Variants in FERMT2 observed in about 807,000 individuals in gnomAD.
The protein encoded by FERMT2 is fermitin family homolog 2.
In FERMT2, 15 loss-of-function variants were observed where a neutral mutation model predicts 82.7. The observed-to-expected ratio is 0.18, with a 90% CI of 0.12 to 0.28. The LOEUF is 0.28. Ranked by LOEUF, FERMT2 falls within the 10% of genes least tolerant of loss-of-function variation. FERMT2 has a pLI of 1.00. For missense variants in FERMT2, 645 were observed against 809.4 expected, an observed-to-expected ratio of 0.80 and a Z score of 2.46; for synonymous variants, 274 against 271.5, an observed-to-expected ratio of 1.01 and a Z score of -0.09.
chr14:52,934,939 T>G (rs572801537), intron 2 of FERMT2, among the ~76,000 whole-genome samples: 9 of 152,250 alleles, frequency 5.9e-5, no homozygotes, highest in Non-Finnish European at 1.2e-4. Flanking sequence ...GACTTTGAAA[T>G]AAGTGACATG....
At chr14:52,859,801 AC>A in intron 13 of FERMT2, 87 bp from the exon 14 acceptor site, 2 of 717,500 alleles carry the variant, frequency 2.8e-6, no homozygotes, top group Non-Finnish European at 4.3e-6. Flanking sequence ...GTTCTCTCTA[AC>A]CCTAAAAGAG....
rs535066253 is a variant in FERMT2, at chr14:52,858,319, C to T, written c.*58G>A. The T allele has an allele frequency of 1.2e-5, 17 of 1,456,072 alleles. No individual in the cohort carries two copies. The African/African-American group carries it at 2.4e-4, about 20-fold the overall frequency. 90.2% of individuals were successfully genotyped at this position (1,456,072 alleles called of 1,614,324 possible). A position where few individuals can be genotyped will look rare whatever the true frequency, so the allele number is the denominator to read the frequency against. ...ACTTTATTAAGCAGCATATAACAAACAGCTTTTAAAGTTAAATATTGTTAT... is the reference window on the plus strand; with the variant it reads ...ACTTTATTAAGCAGCATATAACAAATAGCTTTTAAAGTTAAATATTGTTAT... On this transcript the variant is annotated 3_prime_UTR_variant, in exon 15 of 15. Transcript: ENST00000341590.
At chr14:52,933,936 CCCCTTTATCAAA>C (rs899510475) in intron 2 of FERMT2, among the ~76,000 whole-genome samples, 1 of 151,948 alleles carries the variant, frequency 6.6e-6, no homozygotes, top group Non-Finnish European at 1.5e-5. Flanking sequence ...TTTTCCTTTC[CCCCTTTATCAAA>C]CTGGCAAAAT....
intron 3 of FERMT2, 127 bp from the exon 4 acceptor site, chr14:52,893,554 G>A: frequency 3.0e-6 from 2 of 673,194 alleles, no homozygotes; most frequent in Non-Finnish European, 4.9e-6. Context: ...GTCAGACATT[G>A]ATGTCATGCA....
chr14:52,895,152 A>G (rs1887186822), intron 3 of FERMT2, among the ~76,000 whole-genome samples: 1 of 152,218 alleles, frequency 6.6e-6, no homozygotes, highest in Non-Finnish European at 1.5e-5. Context: ...AATTAAAACC[A>G]CAATGAGATA....
rs574096456 is a variant in FERMT2, at chr14:52,920,619, C to T, written c.158-1263G>A. On this transcript the variant is annotated intron_variant, in intron 2 of 14. Coordinates refer to ENST00000341590, the MANE Select transcript of FERMT2 (RefSeq NM_006832.3). ...CTACATTCCAGCCTGGGCAAGGGAG[C>T]GAGACTCTGTCTCAAGGAAAACAAC... Among the ~76,000 whole-genome samples the T allele has an allele frequency of 1.3e-4, 19 of 151,886 alleles. No individual in the cohort carries two copies. The East Asian group carries it at 2.7e-3, about 22-fold the overall frequency.
At chr14:52,919,037 C>A in intron 3 of FERMT2, 86 bp downstream of exon 3, 1 of 889,548 alleles carries the variant, frequency 1.1e-6, no homozygotes. Context: ...AGCCCATGCC[C>A]CATCCCTTGG....
chr14:52,925,586 A>G (rs1351817786), intron 2 of FERMT2, among the ~76,000 whole-genome samples: 2 of 151,178 alleles, frequency 1.3e-5, no homozygotes, highest in African/African-American at 2.4e-5. Context: ...AAAGCACTTA[A>G]CTGCACAAAT....
At chr14:52,861,433 T>TA (rs1395131746) in intron 12 of FERMT2, 1 of 168,762 alleles carries the variant, frequency 5.9e-6, no homozygotes, top group Non-Finnish European at 1.2e-5. Flanking sequence ...AGTAGCAAAA[T>TA]AAAAGTATCC....
chr14:52,946,310 A>T (rs1228802401), intron 2 of FERMT2, among the ~76,000 whole-genome samples: 3 of 152,106 alleles, frequency 2.0e-5, no homozygotes, highest in African/African-American at 4.8e-5. Context: ...TTTCATATTT[A>T]AAATTTTTCT....
intron 12 of FERMT2, chr14:52,863,056 A>T (rs1007989836): frequency 4.0e-5 from 3 of 75,486 alleles, no homozygotes; most frequent in African/African-American, 1.0e-4. Context: ...AAATAATTTT[A>T]AAAAACTACG....
intron 4 of FERMT2, among the ~76,000 whole-genome samples, chr14:52,888,830 A>G (rs1312768507): frequency 6.6e-6 from 1 of 152,210 alleles, no homozygotes; most frequent in East Asian, 1.9e-4. Context: ...AGTACAGTAT[A>G]AGGATTTGTT....
intron 2 of FERMT2, among the ~76,000 whole-genome samples, chr14:52,947,850 T>C (rs1890434161): frequency 6.6e-6 from 1 of 152,190 alleles, no homozygotes; most frequent in African/African-American, 2.4e-5. Context: ...TAATACAATG[T>C]TGAGGGAATA....
At chr14:52,906,738 T>C (rs1345393614) in intron 3 of FERMT2, among the ~76,000 whole-genome samples, 1 of 151,976 alleles carries the variant, frequency 6.6e-6, no homozygotes, top group Non-Finnish European at 1.5e-5. Context: ...CTGGATGGGA[T>C]TAACAGCAAA....
chr14:52,870,345 G>C (rs551555150), intron 10 of FERMT2, among the ~76,000 whole-genome samples: 1 of 151,858 alleles, frequency 6.6e-6, no homozygotes. Flanking sequence ...CACCTCCCAG[G>C]TTCAAGCAAT....
At position 52,870,268 on chromosome 14, in the gene FERMT2, A is replaced by T. The variant is rs779044872; in HGVS notation, c.1273+2531T>A. Reference sequence around the variant, plus strand: ...GTGTACTTTTTTTTTTTTTTTTTGGAGACGGAGTTTCGTTCTTGTTGCCCA... The same window carrying T: ...GTGTACTTTTTTTTTTTTTTTTTGGTGACGGAGTTTCGTTCTTGTTGCCCA... On this transcript the variant is annotated intron_variant, in intron 10 of 14. Coordinates refer to ENST00000341590, the MANE Select transcript of FERMT2 (RefSeq NM_006832.3). Among the ~76,000 whole-genome samples, 336 of 132,028 alleles carry T rather than the reference A, an allele frequency of 2.5e-3. 3 individuals are homozygous for T. In the Middle Eastern group the frequency reaches 0.034, roughly 13 times the overall value. The allele number at this position is 132,028 out of a possible 152,430, so 86.6% of individuals were successfully genotyped here.
chr14:52,923,463 A>G (rs1455930616), intron 2 of FERMT2, among the ~76,000 whole-genome samples: 1 of 152,212 alleles, frequency 6.6e-6, no homozygotes, highest in African/African-American at 2.4e-5. Context: ...AAGCAGTGTT[A>G]TCTTGCACTT....
intron 2 of FERMT2, among the ~76,000 whole-genome samples, chr14:52,927,592 TAAAAAAAAAAAAA>T (rs71125150): frequency 3.9e-4 from 13 of 33,714 alleles, no homozygotes; most frequent in African/African-American, 8.9e-4. Flanking sequence ...CTCATCCCTA[TAAAAAAAAAAAAA>T]AAAAAAAAAA....
intron 12 of FERMT2, chr14:52,863,006 G>C (rs2140057574): frequency 6.6e-6 from 1 of 152,258 alleles, no homozygotes; most frequent in South Asian, 2.1e-4. Context: ...TATTGCCTTT[G>C]AAGGCAAATA....
Sources: allele counts gnomAD v4.1 joint callset (sites outside exome capture counted in the v4.1 genomes callset), GRCh38; gene constraint gnomAD v4.1.1; transcripts MANE v1.5; gene names NCBI Gene and HGNC (gene_info 2026-07-23, HGNC 2026-07-21).